TMEM163: variants seen among roughly 807,000 people sequenced by gnomAD.
The protein encoded by TMEM163 is transmembrane protein 163.
A neutral mutation model predicts 29.3 loss-of-function variants in TMEM163; 17 were observed. The observed-to-expected ratio is 0.58, with a 90% confidence interval of 0.40 to 0.87. The LOEUF is 0.87. TMEM163 is among the 40% of genes least tolerant of loss of function. The pLI is 0.00. For synonymous variants in TMEM163, 157 were observed against 160.6 expected, an observed-to-expected ratio of 0.98 and a Z score of 0.17; for missense variants, 303 against 381.5, an observed-to-expected ratio of 0.79 and a Z score of 1.71.
At chr2:134,630,360 G>A (rs199789406) in intron 2 of TMEM163, among the ~76,000 whole-genome samples, 44 of 149,144 alleles carry the variant, frequency 3.0e-4, no homozygotes, top group Non-Finnish European at 2.5e-4. Context: ...TTTCCAAAAA[G>A]AAAAAAAAAA....
chr2:134,544,840 T>C (rs1014691891), intron 4 of TMEM163, among the ~76,000 whole-genome samples: 4 of 152,140 alleles, frequency 2.6e-5, no homozygotes, highest in African/African-American at 9.7e-5. Flanking sequence ...ACTCTATCCA[T>C]ATACCAAGTA....
chr2:134,690,290 A>AT (rs34853089), intron 2 of TMEM163, among the ~76,000 whole-genome samples: 22,399 of 142,808 alleles, frequency 0.16, 2,050 homozygotes, highest in Middle Eastern at 0.41. Flanking sequence ...TACATCAGCA[A>AT]TTTTTTTTTT....
chr2:134,631,787 A>T (rs1250110923), intron 2 of TMEM163, among the ~76,000 whole-genome samples: 1 of 152,262 alleles, frequency 6.6e-6, no homozygotes, highest in African/African-American at 2.4e-5. Context: ...TATATTAGGA[A>T]TACCTGAATG....
intron 2 of TMEM163, among the ~76,000 whole-genome samples, chr2:134,565,486 A>C (rs1056700759): frequency 6.6e-6 from 1 of 151,964 alleles, no homozygotes; most frequent in Non-Finnish European, 1.5e-5. Flanking sequence ...GGAGCCTGTA[A>C]TCCCAGCTAC....
intron 5 of TMEM163, among the ~76,000 whole-genome samples, chr2:134,473,283 C>T (rs770167117): frequency 6.6e-6 from 1 of 152,024 alleles, no homozygotes. Flanking sequence ...CAACTGTAAT[C>T]CCAGGACTTT....
At chr2:134,648,105 G>A (rs1683376571) in intron 2 of TMEM163, among the ~76,000 whole-genome samples, 1 of 152,122 alleles carries the variant, frequency 6.6e-6, no homozygotes, top group South Asian at 2.1e-4. Flanking sequence ...GTAAATGTGG[G>A]GGATTTTATT....
rs1471767206 is a variant in TMEM163, at chr2:134,550,557, A to G, written c.458+13T>C. ...GGGTTCTTCAGCCTGGAGAAAGACA[A>G]GAATCTACTTACATGTACTCCCTAT... On this transcript the variant is annotated intron_variant, in intron 4 of 7. Transcript: ENST00000281924. The G allele has an allele frequency of 6.2e-7, 1 of 1,613,502 alleles. No homozygotes were observed. The highest frequency in any genetic ancestry group is 1.3e-5 in the African/African-American group (1 of 75,036).
chr2:134,718,652 C>T (rs1685092732), intron 1 of TMEM163, 82 bp downstream of exon 1: 1 of 1,044,830 alleles, frequency 9.6e-7, no homozygotes, highest in Non-Finnish European at 1.2e-6. Flanking sequence ...CCGCGCCTCG[C>T]CCAGCGCGGC....
intron 2 of TMEM163, among the ~76,000 whole-genome samples, chr2:134,663,649 G>T (rs902683435): frequency 3.3e-5 from 5 of 152,228 alleles, no homozygotes; most frequent in Non-Finnish European, 7.3e-5. Context: ...AATGCTAGAT[G>T]CTCTGCAAGC....
chr2:134,681,962 C>T (rs1684257474), intron 2 of TMEM163, among the ~76,000 whole-genome samples: 1 of 152,118 alleles, frequency 6.6e-6, no homozygotes, highest in Admixed American at 6.5e-5. Context: ...TTACACACAG[C>T]AGAAATCTTA....
chr2:134,611,485 A>T (rs906047915), intron 2 of TMEM163, among the ~76,000 whole-genome samples: 3 of 152,174 alleles, frequency 2.0e-5, no homozygotes, highest in African/African-American at 4.8e-5. Context: ...TAACTAGGGG[A>T]CAGGGATGTT....
intron 2 of TMEM163, among the ~76,000 whole-genome samples, chr2:134,592,604 C>T (rs529954549): frequency 6.6e-6 from 1 of 152,004 alleles, no homozygotes; most frequent in Non-Finnish European, 1.5e-5. Flanking sequence ...GGCGTGTGCT[C>T]CCTTCTCATC....
Position 134,460,433 on chromosome 2 carries a change from C to G in TMEM163, c.668-2260G>C, listed in dbSNP as rs1270687166. On this transcript the variant is annotated intron_variant, in intron 6 of 7. Transcript: ENST00000281924. The surrounding 1 kb of genome is among the most constrained non-coding windows in gnomAD (Gnocchi z 4.3). ...CGAGCTTTGCCATTTTAACCGCCCC[C>G]CTCCTCTCACTGGAAACCTAAGCTT... is the stretch of plus-strand genomic sequence containing the variant. Among the ~76,000 whole-genome samples, 2 of 152,198 alleles carry G rather than the reference C, an allele frequency of 1.3e-5. No individual in the cohort carries two copies. Among genetic ancestry groups the G allele is most frequent in the Admixed American group, 1.3e-4 (2 of 15,284 alleles).
At chr2:134,464,390 C>T (rs1686616283) in intron 6 of TMEM163, among the ~76,000 whole-genome samples, 1 of 152,278 alleles carries the variant, frequency 6.6e-6, no homozygotes, top group Admixed American at 6.5e-5. Flanking sequence ...TCAGAATCTT[C>T]GGGGTGGGCC....
chr2:134,511,601 C>T (rs193068542), intron 4 of TMEM163, among the ~76,000 whole-genome samples: 55 of 152,304 alleles, frequency 3.6e-4, no homozygotes, highest in African/African-American at 1.2e-3. Flanking sequence ...GAAGCGGCAG[C>T]GCAGGGAACA....
chr2:134,552,707 G>A (rs1680960361), intron 2 of TMEM163, among the ~76,000 whole-genome samples: 1 of 144,318 alleles, frequency 6.9e-6, no homozygotes, highest in Admixed American at 7.0e-5. Context: ...TGTCACTCAG[G>A]CTGGAGTGCA....
intron 2 of TMEM163, among the ~76,000 whole-genome samples, chr2:134,615,275 A>G (rs1045238610): frequency 6.6e-6 from 1 of 152,250 alleles, no homozygotes; most frequent in African/African-American, 2.4e-5. Flanking sequence ...CTGCTAAAAT[A>G]GAAGCAAGAA....
chr2:134,708,520 T>C (rs141682591), intron 2 of TMEM163, among the ~76,000 whole-genome samples: 2 of 152,020 alleles, frequency 1.3e-5, no homozygotes, highest in African/African-American at 4.8e-5. Flanking sequence ...CAAGGTGTTT[T>C]TCTAGTTCTT....
intron 4 of TMEM163, among the ~76,000 whole-genome samples, chr2:134,540,618 A>T (rs192067347): frequency 1.1e-3 from 164 of 152,332 alleles, no homozygotes; most frequent in Admixed American, 3.1e-3. Flanking sequence ...AGCATTGCAT[A>T]GTGGTTATGA....
Sources: gnomAD v4.1 joint callset for allele counts (sites outside exome capture counted in the v4.1 genomes callset) on GRCh38, gnomAD v4.1.1 for gene constraint, Gnocchi (gnomAD v3.1) non-coding constraint, MANE v1.5 for transcripts, NCBI Gene and HGNC (gene_info 2026-07-23, HGNC 2026-07-21) for gene names.